The following RARB variants were observed in gnomAD, a reference collection of about 807,000 sequenced individuals.
RARB encodes HBV-activated protein.
In RARB, 17 loss-of-function variants were observed where a neutral mutation model predicts 51.9. That is an observed-to-expected ratio of 0.33 (90% CI 0.22 to 0.49). The LOEUF (loss-of-function observed/expected upper bound fraction) is 0.49, where lower values mean the gene tolerates loss of function less well. Among genes scored for constraint, RARB ranks in the 20% least tolerant of loss-of-function variants. The pLI, the probability that RARB is intolerant of heterozygous loss-of-function variation, is 0.99. For missense variants in RARB, 369 were observed against 550.8 expected (o/e 0.67, Z 3.30); for synonymous variants, 215 against 195.4 (o/e 1.10, Z -0.84).
At chr3:25,534,881 C>T (rs1305433389) in intron 3 of RARB, among the ~76,000 whole-genome samples, 1 of 152,180 alleles carries the variant, frequency 6.6e-6, no homozygotes, top group Non-Finnish European at 1.5e-5. Flanking sequence ...GCCATCACTC[C>T]TCCAGAGACC....
intron 5 of RARB, among the ~76,000 whole-genome samples, chr3:25,361,790 C>T (rs556429267): frequency 2.6e-4 from 40 of 152,274 alleles, no homozygotes; most frequent in African/African-American, 8.2e-4. Context: ...ACCCTGTTTG[C>T]GTGAGTATCA....
intron 1 of RARB, among the ~76,000 whole-genome samples, chr3:25,430,330 C>CT (rs1708151624): frequency 6.6e-6 from 1 of 152,184 alleles, no homozygotes; most frequent in Admixed American, 6.5e-5. Flanking sequence ...CAAGAAGAGA[C>CT]TTTTCAGACC....
intron 2 of RARB, among the ~76,000 whole-genome samples, chr3:24,956,434 A>G (rs1006120851): frequency 6.6e-6 from 1 of 152,198 alleles, no homozygotes; most frequent in African/African-American, 2.4e-5. Context: ...CCTCATATGA[A>G]CAATACTCAT....
chr3:24,939,925 T>G (rs556128226), intron 2 of RARB, among the ~76,000 whole-genome samples: 2 of 152,340 alleles, frequency 1.3e-5, no homozygotes, highest in African/African-American at 4.8e-5. Flanking sequence ...ACAAATAACG[T>G]GTTTTACCAT....
chr3:25,290,925 A>G (rs1703770360), intron 5 of RARB, among the ~76,000 whole-genome samples: 1 of 152,144 alleles, frequency 6.6e-6, no homozygotes, highest in Non-Finnish European at 1.5e-5. Flanking sequence ...TATCATCGCC[A>G]GTGTTCGAGC....
chr3:24,980,228 G>C (rs1696613607), intron 2 of RARB, among the ~76,000 whole-genome samples: 1 of 152,132 alleles, frequency 6.6e-6, no homozygotes, highest in African/African-American at 2.4e-5. Flanking sequence ...CAACCTTGGT[G>C]AATCTGACAA....
chr3:25,308,469 G>A, intron 5 of RARB, among the ~76,000 whole-genome samples: 1 of 118,856 alleles, frequency 8.4e-6, no homozygotes, highest in African/African-American at 3.4e-5. Context: ...TTTTTTTTGA[G>A]ACAGAGTCTT....
intron 2 of RARB, among the ~76,000 whole-genome samples, chr3:24,926,048 T>G (rs1357336715): frequency 6.6e-6 from 1 of 152,130 alleles, no homozygotes; most frequent in African/African-American, 2.4e-5. Flanking sequence ...AATTTATTGT[T>G]GATAACTCAC....
At chr3:25,257,372 A>G (rs936040270) in intron 5 of RARB, among the ~76,000 whole-genome samples, 6 of 152,062 alleles carry the variant, frequency 3.9e-5, no homozygotes, top group African/African-American at 1.4e-4. Flanking sequence ...AACACGTATG[A>G]ACAGGGCATT....
chr3:25,086,133 C>G (rs140554846), intron 3 of RARB, among the ~76,000 whole-genome samples: 93 of 152,226 alleles, frequency 6.1e-4, no homozygotes, highest in African/African-American at 2.2e-3. Flanking sequence ...TATTAATTTC[C>G]TGGGCCCAGA....
At chr3:25,140,058 A>T (rs1700085243) in intron 4 of RARB, among the ~76,000 whole-genome samples, 1 of 151,752 alleles carries the variant, frequency 6.6e-6, no homozygotes, top group Non-Finnish European at 1.5e-5. Flanking sequence ...CTGGTCACTC[A>T]AGAGGTGGAG....
rs138070837 is a variant in RARB, at chr3:25,093,558, T to C, written c.-328+33382T>C. On this transcript the variant is annotated intron_variant, in intron 3 of 11. Transcript: ENST00000383772. ...AGACCACCAGGCTAGGAAGATGAGA[T>C]GAGCCTGAATTCTGCTTACATGTAG... is the stretch of plus-strand genomic sequence containing the variant. Among the ~76,000 whole-genome samples the C allele has an allele frequency of 5.4e-3, 820 of 152,306 alleles. 3 individuals carry two copies. The highest frequency in any genetic ancestry group is 9.5e-3 in the Non-Finnish European group (645 of 68,020).
At chr3:25,213,643 C>T (rs894429956) in intron 5 of RARB, among the ~76,000 whole-genome samples, 2 of 152,150 alleles carry the variant, frequency 1.3e-5, no homozygotes, top group East Asian at 1.9e-4. Flanking sequence ...TGAACAATTT[C>T]CTTAAGCCCA....
intron 2 of RARB, among the ~76,000 whole-genome samples, chr3:25,036,700 T>C (rs978086839): frequency 7.2e-5 from 11 of 152,102 alleles, no homozygotes; most frequent in Admixed American, 1.3e-4. Flanking sequence ...CTGAGTTATC[T>C]TTGTTTGTAG....
At chr3:25,236,368 T>C (rs989832178) in intron 5 of RARB, among the ~76,000 whole-genome samples, 4 of 152,170 alleles carry the variant, frequency 2.6e-5, no homozygotes, top group Non-Finnish European at 5.9e-5. Flanking sequence ...TATCTCAGAA[T>C]AGCAGATGAT....
intron 5 of RARB, among the ~76,000 whole-genome samples, chr3:25,403,811 T>G (rs1707329340): frequency 6.8e-6 from 1 of 147,446 alleles, no homozygotes; most frequent in Non-Finnish European, 1.5e-5. Flanking sequence ...TTTTTTTCTT[T>G]TATGAAATTG....
intron 5 of RARB, among the ~76,000 whole-genome samples, chr3:25,204,392 A>C (rs1701476230): frequency 6.6e-6 from 1 of 152,130 alleles, no homozygotes; most frequent in Non-Finnish European, 1.5e-5. Flanking sequence ...AGCTCGGAGA[A>C]GTTTGATTGT....
intron 5 of RARB, among the ~76,000 whole-genome samples, chr3:25,587,581 C>A (rs369958613): frequency 6.6e-6 from 1 of 152,144 alleles, no homozygotes; most frequent in Non-Finnish European, 1.5e-5. Flanking sequence ...GTAACGGTAA[C>A]AAGGAACTCC....
chr3:25,322,362 G>A (rs900772821), intron 5 of RARB, among the ~76,000 whole-genome samples: 1 of 152,166 alleles, frequency 6.6e-6, no homozygotes, highest in Non-Finnish European at 1.5e-5. Flanking sequence ...TTTATACTTA[G>A]GGAGAGAGGA....
Sources: allele counts gnomAD v4.1 joint callset (sites outside exome capture counted in the v4.1 genomes callset), GRCh38; gene constraint gnomAD v4.1.1; transcripts MANE v1.5; gene names NCBI Gene and HGNC (gene_info 2026-07-23, HGNC 2026-07-21).